GPC5: variants seen among roughly 807,000 people sequenced by gnomAD.
The protein encoded by GPC5 is glypican 5.
In GPC5, 47 loss-of-function variants were observed where a neutral mutation model predicts 53.9. That is an observed-to-expected ratio of 0.87 (90% CI 0.69 to 1.11). The LOEUF is 1.11. Among genes scored for constraint, GPC5 ranks in the 50% most tolerant of loss-of-function variants. GPC5 has a pLI of 0.00. For missense variants in GPC5, 748 were observed against 713.1 expected (o/e 1.05, Z -0.56); for synonymous variants, 286 against 263.3 (o/e 1.09, Z -0.84).
intron 5 of GPC5, among the ~76,000 whole-genome samples, chr13:91,817,598 A>T (rs1759257195): frequency 6.6e-6 from 1 of 152,204 alleles, no homozygotes; most frequent in South Asian, 2.1e-4. Context: ...GGGGAAAAAA[A>T]GTAGGAGACC....
At position 91,516,740 on chromosome 13, in the gene GPC5, G is replaced by A. The variant is rs111241625; in HGVS notation, c.325+67818G>A. 8.5e-5 allele frequency among the ~76,000 whole-genome samples: 13 copies of A among 152,310 alleles called. 1 individual carries two copies. Among genetic ancestry groups the A allele is most frequent in the African/African-American group, 3.1e-4 (13 of 41,572 alleles). On this transcript the variant is annotated intron_variant, in intron 2 of 7. Transcript: ENST00000377067. ...CACTGCCCTTGCAGATGTTCTTCAT[G>A]AGGGCCCTGCCCCTGTAGCAAACTT... is the stretch of plus-strand genomic sequence containing the variant.
intron 7 of GPC5, among the ~76,000 whole-genome samples, chr13:92,242,252 A>C (rs973742141): frequency 6.6e-6 from 1 of 150,750 alleles, no homozygotes; most frequent in African/African-American, 2.5e-5. Context: ...AAAAAAAAAA[A>C]TTATTCAGTT....
chr13:91,985,100 T>A (rs1388600894), intron 6 of GPC5, among the ~76,000 whole-genome samples: 1 of 152,210 alleles, frequency 6.6e-6, no homozygotes, highest in African/African-American at 2.4e-5. Context: ...TACATTTACT[T>A]TTTTCCACTT....
intron 4 of GPC5, among the ~76,000 whole-genome samples, chr13:91,755,875 A>G (rs1550780): frequency 0.34 from 51,323 of 151,772 alleles, 10,043 homozygotes; most frequent in East Asian, 0.64. Context: ...TTCCACAGGG[A>G]AAAGAAAATT....
At chr13:92,144,722 A>G in intron 6 of GPC5, 108 bp from the exon 7 acceptor site, 1 of 1,058,868 alleles carries the variant, frequency 9.4e-7, no homozygotes, top group Non-Finnish European at 1.4e-6. Flanking sequence ...TGTCTACACC[A>G]AAAGAGTGGA....
chr13:91,467,595 T>C (rs1391274220), intron 2 of GPC5, among the ~76,000 whole-genome samples: 1 of 152,148 alleles, frequency 6.6e-6, no homozygotes, highest in East Asian at 1.9e-4. Flanking sequence ...GTTGATGCTG[T>C]TTTTCCAAGA....
intron 7 of GPC5, among the ~76,000 whole-genome samples, chr13:92,420,599 T>C (rs1594187202): frequency 6.6e-6 from 1 of 152,320 alleles, no homozygotes; most frequent in East Asian, 1.9e-4. Context: ...TCAAACTGTA[T>C]TTTTTGTATC....
chr13:92,723,069 A>G (rs898214819), intron 7 of GPC5, among the ~76,000 whole-genome samples: 1 of 151,776 alleles, frequency 6.6e-6, no homozygotes, highest in Admixed American at 6.6e-5. Flanking sequence ...ACATTTGTTA[A>G]TAATATAGCC....
At chr13:92,390,703 C>T (rs1249697458) in intron 7 of GPC5, among the ~76,000 whole-genome samples, 2 of 151,736 alleles carry the variant, frequency 1.3e-5, no homozygotes, top group African/African-American at 4.8e-5. Flanking sequence ...CTTTTTAATG[C>T]GTATGTATGT....
chr13:91,525,907 A>G (rs1377717745), intron 2 of GPC5, among the ~76,000 whole-genome samples: 2 of 152,208 alleles, frequency 1.3e-5, no homozygotes, highest in Non-Finnish European at 2.9e-5. Flanking sequence ...TATTCTGGGG[A>G]TCAGAAGTGG....
At chr13:92,277,094 T>A (rs1345449705) in intron 7 of GPC5, among the ~76,000 whole-genome samples, 1 of 152,036 alleles carries the variant, frequency 6.6e-6, no homozygotes, top group Non-Finnish European at 1.5e-5. Context: ...GTTAATTCAA[T>A]GATACAAATT....
chr13:92,768,210 A>T (rs569567157), intron 7 of GPC5, among the ~76,000 whole-genome samples: 1 of 152,344 alleles, frequency 6.6e-6, no homozygotes, highest in Middle Eastern at 3.4e-3. Flanking sequence ...CAGCTAAAAT[A>T]CAAACTTACA....
At chr13:91,984,787 T>G (rs2040391633) in intron 6 of GPC5, among the ~76,000 whole-genome samples, 1 of 152,254 alleles carries the variant, frequency 6.6e-6, no homozygotes, top group Admixed American at 6.5e-5. Context: ...TGGCCATTTT[T>G]ATTTATCTTG....
chr13:92,529,772 C>T (rs1057023325), intron 7 of GPC5, among the ~76,000 whole-genome samples: 16 of 152,040 alleles, frequency 1.1e-4, no homozygotes, highest in Non-Finnish European at 1.9e-4. Context: ...TCATATTAAG[C>T]ACTAAAATTA....
intron 7 of GPC5, among the ~76,000 whole-genome samples, chr13:92,503,738 A>T (rs9523693): frequency 0.57 from 86,096 of 151,560 alleles, 25,187 homozygotes; most frequent in East Asian, 0.75. Flanking sequence ...TATCACAAAA[A>T]ATCCTACACA....
At chr13:92,161,863 T>C (rs2041990311) in intron 7 of GPC5, among the ~76,000 whole-genome samples, 1 of 150,096 alleles carries the variant, frequency 6.7e-6, no homozygotes, top group South Asian at 2.1e-4. Flanking sequence ...ATTGATTATG[T>C]TTGAGTTCCT....
chr13:91,908,175 C>A, intron 6 of GPC5, 118 bp downstream of exon 6: 1 of 761,674 alleles, frequency 1.3e-6, no homozygotes, highest in Non-Finnish European at 2.0e-6. Context: ...AATATTGTAA[C>A]ACACTTTTTG....
intron 7 of GPC5, among the ~76,000 whole-genome samples, chr13:92,791,424 T>TGGGGGGGGGGG (rs60469699): frequency 9.0e-5 from 6 of 66,402 alleles, no homozygotes; most frequent in African/African-American, 3.0e-4. Flanking sequence ...TGTGAGTGTG[T>TGGGGGGGGGGG]GGGGGGGGGC....
At chr13:92,376,791 C>T (rs752477761) in intron 7 of GPC5, among the ~76,000 whole-genome samples, 1 of 151,988 alleles carries the variant, frequency 6.6e-6, no homozygotes, top group South Asian at 2.1e-4. Context: ...TTAAGGCGGG[C>T]GGATCACCAG....
Sources: gnomAD v4.1 joint callset for allele counts (sites outside exome capture counted in the v4.1 genomes callset) on GRCh38, gnomAD v4.1.1 for gene constraint, MANE v1.5 for transcripts, NCBI Gene and HGNC (gene_info 2026-07-23, HGNC 2026-07-21) for gene names.